Variants in PCCA observed in about 807,000 individuals in gnomAD.
The protein encoded by PCCA is propionyl-CoA carboxylase subunit alpha, also known as propionyl-CoA carboxylase alpha chain, mitochondrial.
A neutral mutation model predicts 101.3 loss-of-function variants in PCCA; 74 were observed. That is an observed-to-expected ratio of 0.73 (90% CI 0.61 to 0.89). PCCA has a LOEUF of 0.89. Ranked by LOEUF, PCCA falls within the 40% of genes least tolerant of loss-of-function variation. The pLI is 0.00. For missense variants in PCCA, 891 were observed against 907.0 expected (o/e 0.98, Z 0.23); for synonymous variants, 294 against 313.6 (o/e 0.94, Z 0.66).
At chr13:100,520,296 C>G (rs2087134587) in intron 22 of PCCA, among the ~76,000 whole-genome samples, 1 of 152,220 alleles carries the variant, frequency 6.6e-6, no homozygotes, top group Admixed American at 6.5e-5. Context: ...GAGGTAACGA[C>G]TACCCCTGGA....
chr13:100,207,515 G>A (rs1181720586), intron 6 of PCCA, among the ~76,000 whole-genome samples: 1 of 151,898 alleles, frequency 6.6e-6, no homozygotes, highest in Non-Finnish European at 1.5e-5. Context: ...CAAGTAGCTG[G>A]GATTACAGGC....
chr13:100,310,034 A>C, intron 16 of PCCA, 126 bp downstream of exon 16: 1 of 727,424 alleles, frequency 1.4e-6, no homozygotes, highest in East Asian at 2.7e-5. Flanking sequence ...AAGAGAAATA[A>C]GAAAAACTCA....
At chr13:100,275,011 A>T (rs2063543420) in intron 12 of PCCA, among the ~76,000 whole-genome samples, 1 of 147,538 alleles carries the variant, frequency 6.8e-6, no homozygotes, top group Non-Finnish European at 1.5e-5. Context: ...CTTATGCCTG[A>T]AAACAGTGTC....
rs886481534 is a variant in PCCA, at chr13:100,155,030, A to G, written c.352A>G (p.Ser118Gly). Residue 118 changes from serine to glycine, a missense_variant, in exon 5 of 24, where the codon AGT becomes GGT. Coordinates refer to ENST00000376285, the MANE Select transcript of PCCA (RefSeq NM_000282.4). ...EAVCVGPAPT[S>G]KSYLNMDAIM... The stretch of plus-strand genomic sequence containing the variant: ...TGTCTGTGTTGGCCCAGCTCCCACC[A>G]GTAAAAGCTACCTCAACATGGATGC... The G allele has an allele frequency of 6.2e-7, 1 of 1,614,042 alleles. No individual in the cohort carries two copies. The highest frequency in any genetic ancestry group is 1.3e-5 in the African/African-American group (1 of 74,922).
At chr13:100,441,563 A>G (rs922776030) in intron 20 of PCCA, among the ~76,000 whole-genome samples, 29 of 152,228 alleles carry the variant, frequency 1.9e-4, no homozygotes, top group Admixed American at 6.5e-4. Flanking sequence ...AAAATCTTCT[A>G]AAGTATTTTT....
intron 12 of PCCA, among the ~76,000 whole-genome samples, chr13:100,275,616 T>A (rs888943765): frequency 1.3e-5 from 2 of 152,214 alleles, no homozygotes; most frequent in Admixed American, 1.3e-4. Context: ...AATGCTGGTA[T>A]TTTTGAGTTT....
At chr13:100,194,609 C>CG (rs2057980764) in intron 6 of PCCA, among the ~76,000 whole-genome samples, 1 of 152,000 alleles carries the variant, frequency 6.6e-6, no homozygotes, top group Non-Finnish European at 1.5e-5. Context: ...TTATTAGAGA[C>CG]GGGGTTTCAC....
At chr13:100,233,640 A>G (rs927671696) in intron 7 of PCCA, among the ~76,000 whole-genome samples, 1 of 152,186 alleles carries the variant, frequency 6.6e-6, no homozygotes, top group African/African-American at 2.4e-5. Context: ...GTAGTTTATT[A>G]TTGAAACAGT....
At chr13:100,185,277 A>C (rs2057153280) in intron 6 of PCCA, among the ~76,000 whole-genome samples, 1 of 152,052 alleles carries the variant, frequency 6.6e-6, no homozygotes, top group Non-Finnish European at 1.5e-5. Context: ...CTATAGATAG[A>C]ATCATATAGT....
At chr13:100,354,537 A>C (rs985008224) in intron 18 of PCCA, among the ~76,000 whole-genome samples, 1 of 152,180 alleles carries the variant, frequency 6.6e-6, no homozygotes, top group African/African-American at 2.4e-5. Flanking sequence ...AGATACTAGA[A>C]AGCAATAGAG....
At chr13:100,296,010 T>C (rs2065499202) in intron 12 of PCCA, among the ~76,000 whole-genome samples, 1 of 152,212 alleles carries the variant, frequency 6.6e-6, no homozygotes, top group South Asian at 2.1e-4. Flanking sequence ...TTACTGATCC[T>C]GAAAGTTTTA....
At chr13:100,443,405 C>T (rs1262252637) in intron 20 of PCCA, among the ~76,000 whole-genome samples, 2 of 150,934 alleles carry the variant, frequency 1.3e-5, no homozygotes, top group Non-Finnish European at 2.9e-5. Flanking sequence ...AGAGCTGTGA[C>T]CATGCCACTG....
At chr13:100,453,356 C>G (rs1209892419) in intron 21 of PCCA, among the ~76,000 whole-genome samples, 1 of 151,848 alleles carries the variant, frequency 6.6e-6, no homozygotes, top group African/African-American at 2.4e-5. Flanking sequence ...CAAAAATTAG[C>G]CAGGCATGGT....
At chr13:100,371,472 A>G (rs973577304) in intron 19 of PCCA, among the ~76,000 whole-genome samples, 1 of 152,208 alleles carries the variant, frequency 6.6e-6, no homozygotes, top group Non-Finnish European at 1.5e-5. Context: ...TATGGTTAAA[A>G]TATCAGTACC....
chr13:100,312,448 A>T (rs2066996772), intron 16 of PCCA, among the ~76,000 whole-genome samples: 1 of 152,204 alleles, frequency 6.6e-6, no homozygotes, highest in Non-Finnish European at 1.5e-5. Context: ...TGTCCTGTGT[A>T]GGTGAAATAA....
At chr13:100,276,592 C>A (rs1157590093) in intron 12 of PCCA, among the ~76,000 whole-genome samples, 2 of 152,096 alleles carry the variant, frequency 1.3e-5, no homozygotes, top group African/African-American at 2.4e-5. Flanking sequence ...TCTTATGTTT[C>A]TTATGCTCTC....
chr13:100,091,439 A>C (rs764322706), intron 1 of PCCA, among the ~76,000 whole-genome samples: 1 of 152,196 alleles, frequency 6.6e-6, no homozygotes, highest in Non-Finnish European at 1.5e-5. Context: ...ATAGAGTAGC[A>C]TTATGTTTGT....
At chr13:100,317,705 A>G (rs572003704) in intron 16 of PCCA, among the ~76,000 whole-genome samples, 3 of 151,614 alleles carry the variant, frequency 2.0e-5, no homozygotes, top group East Asian at 1.9e-4. Context: ...TCCCACCTCA[A>G]CCTCCCTGGT....
At chr13:100,464,906 C>T (rs1028626408) in intron 21 of PCCA, among the ~76,000 whole-genome samples, 1 of 152,170 alleles carries the variant, frequency 6.6e-6, no homozygotes, top group Non-Finnish European at 1.5e-5. Flanking sequence ...GATGTTCTTT[C>T]TTCTACTGGC....
Sources: allele counts gnomAD v4.1 joint callset (sites outside exome capture counted in the v4.1 genomes callset), GRCh38; gene constraint gnomAD v4.1.1; transcripts MANE v1.5; gene names NCBI Gene and HGNC (gene_info 2026-07-23, HGNC 2026-07-21).